Variants in KCNN2 observed in about 807,000 individuals in gnomAD.
KCNN2 encodes the protein potassium calcium-activated channel subfamily N member 2, also known as small conductance calcium-activated potassium channel protein 2.
Under a neutral mutation model 55.5 loss-of-function variants are expected in KCNN2, and 24 were observed. The ratio of observed to expected loss-of-function variants is 0.43; its 90% CI spans 0.31 to 0.61. The LOEUF (loss-of-function observed/expected upper bound fraction) is 0.61, where lower values mean the gene tolerates loss of function less well. Among genes scored for constraint, KCNN2 ranks in the 20% least tolerant of loss-of-function variants. The probability of loss-of-function intolerance (pLI) is 0.08; values close to 1 mark genes in which losing one functional copy is unlikely to be tolerated. For missense variants in KCNN2, 754 were observed against 853.6 expected, an observed-to-expected ratio of 0.88 and a Z score of 1.45; for synonymous variants, 431 against 336.1, an observed-to-expected ratio of 1.28 and a Z score of -3.09.
At chr5:114,131,321 C>T (rs964583888) in intron 1 of KCNN2, among the ~76,000 whole-genome samples, 1 of 152,122 alleles carries the variant, frequency 6.6e-6, no homozygotes, top group East Asian at 1.9e-4. Flanking sequence ...GTCCTCCTGA[C>T]CCCCATGTGT....
intron 2 of KCNN2, among the ~76,000 whole-genome samples, chr5:114,292,921 G>C (rs1755926358): frequency 6.6e-6 from 1 of 152,112 alleles, no homozygotes; most frequent in Non-Finnish European, 1.5e-5. Flanking sequence ...CTTGTAAGTT[G>C]GATTCCTAGG....
intron 2 of KCNN2, among the ~76,000 whole-genome samples, chr5:114,252,733 T>G (rs1201605825): frequency 1.3e-5 from 2 of 150,836 alleles, no homozygotes; most frequent in Non-Finnish European, 3.0e-5. Flanking sequence ...GACAAGCTCA[T>G]TCTGAGAAAG....
chr5:114,213,843 T>C (rs1395436613), intron 1 of KCNN2, among the ~76,000 whole-genome samples: 1 of 152,098 alleles, frequency 6.6e-6, no homozygotes, highest in African/African-American at 2.4e-5. Flanking sequence ...ACCTCTACTA[T>C]ATGAATTGAA....
At chr5:114,105,249 T>C (rs963735477) in intron 1 of KCNN2, among the ~76,000 whole-genome samples, 16 of 152,058 alleles carry the variant, frequency 1.1e-4, no homozygotes, top group African/African-American at 3.9e-4. Context: ...GTTTTGGTTG[T>C]TGAGATCCCC....
At chr5:114,491,970 G>C (rs994250318) in intron 6 of KCNN2, among the ~76,000 whole-genome samples, 10 of 152,090 alleles carry the variant, frequency 6.6e-5, no homozygotes, top group Non-Finnish European at 1.3e-4. Flanking sequence ...CTAAATACAT[G>C]CTTGTAAATT....
intron 2 of KCNN2, among the ~76,000 whole-genome samples, chr5:114,399,925 T>G (rs894261403): frequency 1.5e-5 from 2 of 134,786 alleles, no homozygotes; most frequent in African/African-American, 6.5e-5. Context: ...AGGGTTTTTT[T>G]TTTTGTTTTT....
chr5:114,178,381 C>T (rs1753177135), intron 1 of KCNN2, among the ~76,000 whole-genome samples: 1 of 152,172 alleles, frequency 6.6e-6, no homozygotes, highest in African/African-American at 2.4e-5. Context: ...AATTCACACA[C>T]AGCTCAGCTA....
intron 1 of KCNN2, among the ~76,000 whole-genome samples, chr5:114,179,259 A>T (rs1219162115): frequency 1.3e-5 from 2 of 152,160 alleles, no homozygotes; most frequent in Non-Finnish European, 2.9e-5. Flanking sequence ...CAGAGCTACA[A>T]AATTTATTTG....
At chr5:114,256,852 GA>G (rs1754992779) in intron 2 of KCNN2, among the ~76,000 whole-genome samples, 2 of 152,084 alleles carry the variant, frequency 1.3e-5, no homozygotes, top group South Asian at 4.1e-4. Flanking sequence ...TTGCTGTGCA[GA>G]AGCTTTAGTT....
intron 2 of KCNN2, among the ~76,000 whole-genome samples, chr5:114,271,492 A>G (rs1252024989): frequency 1.3e-5 from 2 of 152,194 alleles, no homozygotes; most frequent in Non-Finnish European, 2.9e-5. Flanking sequence ...AAACACAGAA[A>G]AGCACAAAGA....
chr5:114,212,165 C>T (rs757213855), intron 1 of KCNN2, among the ~76,000 whole-genome samples: 4 of 151,898 alleles, frequency 2.6e-5, no homozygotes, highest in Non-Finnish European at 4.4e-5. Context: ...AAATATTAAT[C>T]TTGTTTTCTT....
At chr5:114,120,582 T>G (rs1053917176) in intron 1 of KCNN2, among the ~76,000 whole-genome samples, 2 of 152,180 alleles carry the variant, frequency 1.3e-5, no homozygotes, top group African/African-American at 2.4e-5. Context: ...TATCTTATAC[T>G]GTGCTGAGAA....
chr5:114,154,621 G>C (rs149058275), intron 1 of KCNN2, among the ~76,000 whole-genome samples: 98 of 152,210 alleles, frequency 6.4e-4, no homozygotes, highest in South Asian at 4.4e-3. Context: ...AATCAGTATA[G>C]TCTACTTGTA....
chr5:114,360,486 A>G (rs931527205), upstream of KCNN2, among the ~76,000 whole-genome samples: 16 of 152,222 alleles, frequency 1.1e-4, no homozygotes, highest in African/African-American at 3.6e-4. Context: ...GCAGGCTTTA[A>G]AATAATTTAA....
At chr5:114,300,698 C>T (rs1252559302) in intron 2 of KCNN2, among the ~76,000 whole-genome samples, 1 of 152,180 alleles carries the variant, frequency 6.6e-6, no homozygotes, top group Admixed American at 6.5e-5. Flanking sequence ...TGAGCTGCTC[C>T]TTTAGCAAAG....
intron 1 of KCNN2, among the ~76,000 whole-genome samples, chr5:114,058,778 G>A (rs1024546912): frequency 6.6e-5 from 10 of 152,190 alleles, no homozygotes; most frequent in Admixed American, 2.6e-4. Flanking sequence ...GCAGTGAAGA[G>A]ATGTGATTGG....
chr5:114,265,587 C>T (rs1755194135), intron 2 of KCNN2, among the ~76,000 whole-genome samples: 1 of 152,116 alleles, frequency 6.6e-6, no homozygotes, highest in South Asian at 2.1e-4. Flanking sequence ...GAGGAGTTCC[C>T]TCTTACTCAG....
intron 2 of KCNN2, among the ~76,000 whole-genome samples, chr5:114,342,069 T>A (rs1757026985): frequency 6.6e-6 from 1 of 151,946 alleles, no homozygotes; most frequent in African/African-American, 2.4e-5. Flanking sequence ...GCCTGGCTAA[T>A]TTTTTGTATT....
intron 2 of KCNN2, among the ~76,000 whole-genome samples, chr5:114,279,984 T>A (rs1411191383): frequency 1.3e-5 from 2 of 152,198 alleles, no homozygotes; most frequent in African/African-American, 4.8e-5. Context: ...TTTTTAATGA[T>A]CACCATTCTA....
Sources: gnomAD v4.1 joint callset for allele counts (sites outside exome capture counted in the v4.1 genomes callset) on GRCh38, gnomAD v4.1.1 for gene constraint, MANE v1.5 for transcripts, NCBI Gene and HGNC (gene_info 2026-07-23, HGNC 2026-07-21) for gene names.